Variants in CDH23 observed in about 807,000 individuals in gnomAD.
CDH23 encodes cadherin related 23.
In CDH23, 189 loss-of-function variants were observed where a neutral mutation model predicts 317.1. The observed-to-expected ratio is 0.60, with a 90% CI of 0.53 to 0.67. CDH23 has a LOEUF of 0.67. CDH23 is among the 30% of genes least tolerant of loss of function. The probability of loss-of-function intolerance (pLI) is 0.00; values close to 1 mark genes in which losing one functional copy is unlikely to be tolerated. For synonymous variants in CDH23, 1,839 were observed against 1,876.8 expected (o/e 0.98, Z 0.52); for missense variants, 4,401 against 4,592.4 (o/e 0.96, Z 1.20).
chr10:71,533,569 A>ACACACACC (rs1491567904), intron 6 of CDH23, among the ~76,000 whole-genome samples: 1 of 109,500 alleles, frequency 9.1e-6, no homozygotes, highest in African/African-American at 3.5e-5. Flanking sequence ...ACACACACAC[A>ACACACACC]CTGGCTGGGG....
chr10:71,646,211 A>G lies in CDH23; in HGVS notation c.1290+231A>G, dbSNP rs538941658. 2.1e-5 allele frequency among the ~76,000 whole-genome samples: 3 copies of G among 145,314 alleles called. No homozygotes were observed. In the South Asian group the frequency reaches 7.3e-4, roughly 35 times the overall value. ...TTGAGTGGAATTTTACCAGACTCCC[A>G]TCAGGAGCCTCTGCAACCCATCTCC... On this transcript the variant is annotated intron_variant, in intron 13 of 69. Coordinates refer to ENST00000224721, the MANE Select transcript of CDH23 (RefSeq NM_022124.6).
At chr10:71,768,165 C>CTGT (rs754193241) in intron 38 of CDH23, among the ~76,000 whole-genome samples, 35 of 151,642 alleles carry the variant, frequency 2.3e-4, no homozygotes, top group Admixed American at 7.9e-4. Flanking sequence ...GGCTTTGTTG[C>CTGT]TGTTGTTGTT....
chr10:71,430,292 T>TC (rs1296775279), intron 1 of CDH23, among the ~76,000 whole-genome samples: 6 of 147,738 alleles, frequency 4.1e-5, no homozygotes, highest in Admixed American at 7.0e-5. Flanking sequence ...TTTTTGGAAC[T>TC]CAAAAAAAAA....
At chr10:71,723,138 G>T (rs1460439038) in intron 28 of CDH23, among the ~76,000 whole-genome samples, 1 of 152,204 alleles carries the variant, frequency 6.6e-6, no homozygotes, top group African/African-American at 2.4e-5. Context: ...AGACCCAAAA[G>T]AAGTGGGAGA....
Position 71,679,415 on chromosome 10 carries a change from A to G in CDH23, c.1781A>G (p.Asn594Ser), listed in dbSNP as rs1864517320. 1 of 1,613,732 alleles carries G rather than the reference A, an allele frequency of 6.2e-7. No individual in the cohort carries two copies. Among genetic ancestry groups the G allele is most frequent in the African/African-American group, 1.3e-5 (1 of 75,042 alleles). The change falls in exon 17 of 70, where the codon AAC becomes AGC. Residue 594 changes from asparagine (N) to serine (S), a missense_variant. By Grantham distance (46) the Asn-to-Ser change is conservative (BLOSUM62 1). Coordinates refer to ENST00000224721, the MANE Select transcript of CDH23 (RefSeq NM_022124.6). ...ACAGATGAAGACTCCCCTCCCAACA[A>G]CCAGATCACCTACAGCATTGTCAGT... Reference protein sequence around the residue: ...RATDEDSPPNNQITYSIVSAS... With the variant: ...RATDEDSPPNSQITYSIVSAS...
intron 3 of CDH23, among the ~76,000 whole-genome samples, chr10:71,470,961 G>GA (rs761878818): frequency 2.0e-5 from 3 of 152,088 alleles, no homozygotes; most frequent in Non-Finnish European, 1.5e-5. Flanking sequence ...ACCATGTTTA[G>GA]AAAATGAGTT....
intron 9 of CDH23, among the ~76,000 whole-genome samples, chr10:71,592,701 A>G (rs1859575795): frequency 6.6e-6 from 1 of 152,136 alleles, no homozygotes; most frequent in Admixed American, 6.5e-5. Flanking sequence ...TAACCAAACT[A>G]CATCTGCAAA....
rs1456096272 is a variant in CDH23, at chr10:71,615,630, G to T, written c.945+14G>T. On this transcript the variant is annotated intron_variant, in intron 10 of 69. Coordinates refer to ENST00000224721, the MANE Select transcript of CDH23 (RefSeq NM_022124.6). ...CTGACTGTGAAGGTGAGACCTGGGT[G>T]GGCACCTTCACCCCAGGTAGAGGAG... 6.3e-7 allele frequency: 1 copy of T among 1,575,966 alleles called. No individual in the cohort carries two copies. The highest frequency in any genetic ancestry group is 8.7e-7 in the Non-Finnish European group (1 of 1,145,866).
intron 44 of CDH23, among the ~76,000 whole-genome samples, 192 bp from the exon 45 acceptor site, chr10:71,788,748 C>T (rs766114027): frequency 1.5e-3 from 232 of 152,356 alleles, no homozygotes; most frequent in Non-Finnish European, 2.1e-3. Flanking sequence ...AGCCACTGCA[C>T]CCGGCCACAT....
intron 38 of CDH23, among the ~76,000 whole-genome samples, chr10:71,744,279 C>T (rs12772315): frequency 5.9e-5 from 9 of 152,184 alleles, no homozygotes; most frequent in East Asian, 1.9e-4. Context: ...GGCCAGTCAA[C>T]GCACCACCCC....
At position 71,459,452 on chromosome 10, in the gene CDH23, C is replaced by T. The variant is rs377617865; in HGVS notation, c.145+13057C>T. 2.8e-3 allele frequency among the ~76,000 whole-genome samples: 431 copies of T among 152,240 alleles called. 10 individuals are homozygous for T. The South Asian group carries it at 0.044, about 16-fold the overall frequency. On this transcript the variant is annotated intron_variant, in intron 3 of 69. Transcript: ENST00000224721. ...AGGAGAAGTTAACTATTATTATTTG[C>T]GGTGGTGCTGTTGTCGGCCAGTGCT...
intron 38 of CDH23, among the ~76,000 whole-genome samples, chr10:71,768,866 G>A (rs1054052985): frequency 3.3e-5 from 5 of 152,206 alleles, no homozygotes; most frequent in African/African-American, 4.8e-5. Context: ...TTTTACAGAT[G>A]AGAAAACGGA....
At chr10:71,532,705 G>GTTT (rs1564636223) in intron 6 of CDH23, among the ~76,000 whole-genome samples, 4 of 59,692 alleles carry the variant, frequency 6.7e-5, no homozygotes, top group African/African-American at 1.2e-4. Context: ...GTTTTCTTTT[G>GTTT]TTTTTGTTTT....
chr10:71,796,986 T>A (rs1293338678), intron 48 of CDH23, 118 bp from the exon 49 acceptor site: 3 of 672,440 alleles, frequency 4.5e-6, no homozygotes, highest in Non-Finnish European at 8.1e-6. Flanking sequence ...AGTCCCAGAT[T>A]CTACTGGGGA....
At chr10:71,402,557 G>T (rs754775796) in intron 1 of CDH23, among the ~76,000 whole-genome samples, 1 of 152,166 alleles carries the variant, frequency 6.6e-6, no homozygotes, top group Admixed American at 6.5e-5. Context: ...AGTACCTGGC[G>T]CACAGTATAC....
chr10:71,755,699 T>C (rs1840124346), intron 38 of CDH23, among the ~76,000 whole-genome samples: 3 of 152,058 alleles, frequency 2.0e-5, no homozygotes, highest in Admixed American at 2.0e-4. Flanking sequence ...ACAAGACCTG[T>C]CACCTACAGC....
At chr10:71,460,364 A>G (rs1347831864) in intron 3 of CDH23, among the ~76,000 whole-genome samples, 11 of 152,246 alleles carry the variant, frequency 7.2e-5, no homozygotes, top group Admixed American at 7.2e-4. Flanking sequence ...CCCTGGTGTC[A>G]CAGCACCGCC....
At chr10:71,667,648 AC>A (rs1387181909) in intron 14 of CDH23, among the ~76,000 whole-genome samples, 1 of 152,092 alleles carries the variant, frequency 6.6e-6, no homozygotes, top group African/African-American at 2.4e-5. Context: ...AAGGCAGGCA[AC>A]CTGTAAGGTG....
At chr10:71,745,517 C>G (rs1217402053) in intron 38 of CDH23, among the ~76,000 whole-genome samples, 1 of 152,166 alleles carries the variant, frequency 6.6e-6, no homozygotes, top group Non-Finnish European at 1.5e-5. Context: ...GACCCCCCCT[C>G]TACTGCCTCC....
Sources: gnomAD v4.1 joint callset for allele counts (sites outside exome capture counted in the v4.1 genomes callset) on GRCh38, gnomAD v4.1.1 for gene constraint, MANE v1.5 for transcripts, NCBI Gene and HGNC (gene_info 2026-07-23, HGNC 2026-07-21) for gene names.